The following GNA12 variants were observed in gnomAD, a reference collection of about 807,000 sequenced individuals.
The protein encoded by GNA12 is guanine nucleotide-binding protein subunit alpha-12.
In GNA12, 9 loss-of-function variants were observed where a neutral mutation model predicts 26.0. The ratio of observed to expected loss-of-function variants is 0.35; its 90% CI spans 0.21 to 0.60. The LOEUF (loss-of-function observed/expected upper bound fraction) is 0.60, where lower values mean the gene tolerates loss of function less well. Ranked by LOEUF, GNA12 falls within the 20% of genes least tolerant of loss-of-function variation. GNA12 has a pLI of 0.78. For synonymous variants in GNA12, 264 were observed against 219.6 expected, an observed-to-expected ratio of 1.20 and a Z score of -1.79; for missense variants, 405 against 525.8, an observed-to-expected ratio of 0.77 and a Z score of 2.25.
At chr7:2,737,377 C>G (rs1356701129) in intron 2 of GNA12, among the ~76,000 whole-genome samples, 2 of 145,494 alleles carry the variant, frequency 1.4e-5, no homozygotes, top group African/African-American at 5.1e-5. Flanking sequence ...CAACCTCTGC[C>G]TCCTGGGTTC....
chr7:2,736,555 G>A (rs1488131780), intron 2 of GNA12, among the ~76,000 whole-genome samples: 1 of 152,206 alleles, frequency 6.6e-6, no homozygotes, highest in South Asian at 2.1e-4. Context: ...TCAAGCAGCA[G>A]CAGCAGGTTG....
intron 1 of GNA12, chr7:2,814,845 G>A (rs1416932667): frequency 6.3e-7 from 1 of 1,591,554 alleles, no homozygotes; most frequent in South Asian, 1.1e-5. Context: ...AGCACCGGGT[G>A]TGCACTGCTC....
chr7:2,757,960 C>T (rs986680090), intron 2 of GNA12, among the ~76,000 whole-genome samples: 2 of 152,168 alleles, frequency 1.3e-5, no homozygotes, highest in Admixed American at 1.3e-4. Context: ...ATGATTCTTC[C>T]CTCCCCCTGC....
At chr7:2,805,613 C>T (rs948231335) in intron 1 of GNA12, among the ~76,000 whole-genome samples, 1 of 152,230 alleles carries the variant, frequency 6.6e-6, no homozygotes, top group Non-Finnish European at 1.5e-5. Flanking sequence ...CCTGCTCTCA[C>T]GCAGCTTACA....
intron 1 of GNA12, among the ~76,000 whole-genome samples, chr7:2,829,807 C>A (rs906525813): frequency 4.6e-5 from 7 of 152,320 alleles, no homozygotes; most frequent in African/African-American, 1.7e-4. Flanking sequence ...TGTTCTCAGA[C>A]GTGCTCGAGG....
intron 2 of GNA12, chr7:2,762,957 G>C (rs1376127905): frequency 7.3e-7 from 1 of 1,366,216 alleles, no homozygotes; most frequent in Non-Finnish European, 9.4e-7. Flanking sequence ...GCCCGTGCCA[G>C]GGTCTCCTGC....
chr7:2,785,227 C>T (rs887079124), intron 2 of GNA12, among the ~76,000 whole-genome samples: 7 of 152,152 alleles, frequency 4.6e-5, no homozygotes, highest in Admixed American at 1.3e-4. Flanking sequence ...GTGTCCCACC[C>T]GCTCCAGAGC....
chr7:2,799,880 C>T (rs1792767106), intron 1 of GNA12, among the ~76,000 whole-genome samples: 1 of 152,134 alleles, frequency 6.6e-6, no homozygotes, highest in Non-Finnish European at 1.5e-5. Context: ...AGCGGCAACA[C>T]CAAGCGGAGG....
At chr7:2,774,687 T>C (rs184413678) in intron 2 of GNA12, among the ~76,000 whole-genome samples, 27 of 152,364 alleles carry the variant, frequency 1.8e-4, no homozygotes, top group Admixed American at 1.7e-3. Flanking sequence ...TGAATCTTCA[T>C]TCCTTTTGCA....
intron 2 of GNA12, among the ~76,000 whole-genome samples, chr7:2,735,337 G>A (rs552896762): frequency 2.3e-4 from 35 of 152,302 alleles, no homozygotes; most frequent in Middle Eastern, 3.4e-3. Context: ...GTGGCACCAG[G>A]CACGAAGGAA....
At chr7:2,737,270 T>G (rs1236606580) in intron 2 of GNA12, among the ~76,000 whole-genome samples, 5 of 47,728 alleles carry the variant, frequency 1.0e-4, no homozygotes, top group Admixed American at 2.6e-4. Flanking sequence ...CACAGTTTTG[T>G]TTTGTTTTTT....
At chr7:2,812,848 C>A (rs1047935570) in intron 1 of GNA12, among the ~76,000 whole-genome samples, 1 of 152,142 alleles carries the variant, frequency 6.6e-6, no homozygotes, top group African/African-American at 2.4e-5. Flanking sequence ...GTAAACAAAG[C>A]AGTTATTTGG....
intron 2 of GNA12, among the ~76,000 whole-genome samples, chr7:2,738,666 C>CT (rs1307418030): frequency 6.6e-6 from 1 of 151,878 alleles, no homozygotes; most frequent in Admixed American, 6.6e-5. Flanking sequence ...GTAGCCCTCT[C>CT]TGAGTATGTC....
intron 1 of GNA12, among the ~76,000 whole-genome samples, chr7:2,833,976 CACA>C (rs1439194041): frequency 6.6e-6 from 1 of 152,090 alleles, no homozygotes; most frequent in Non-Finnish European, 1.5e-5. Context: ...TTTGATATTC[CACA>C]ACAAAAGCTG....
chr7:2,814,169 G>C, intron 1 of GNA12: 1 of 626,266 alleles, frequency 1.6e-6, no homozygotes, highest in Non-Finnish European at 2.9e-6. Context: ...GGACTTCTCA[G>C]CTCCCAGAAT....
intron 2 of GNA12, among the ~76,000 whole-genome samples, chr7:2,766,705 T>A (rs1439937335): frequency 6.6e-6 from 1 of 152,156 alleles, no homozygotes; most frequent in East Asian, 1.9e-4. Context: ...CTCTTAGGCA[T>A]TGTGAATAAA....
intron 1 of GNA12, among the ~76,000 whole-genome samples, chr7:2,822,517 G>C (rs1793391263): frequency 6.6e-6 from 1 of 152,222 alleles, no homozygotes; most frequent in South Asian, 2.1e-4. Context: ...GCCAAGGTGG[G>C]AGGGCTGCTT....
chr7:2,796,293 G>A (rs1376913474), intron 1 of GNA12, among the ~76,000 whole-genome samples: 1 of 152,096 alleles, frequency 6.6e-6, no homozygotes, highest in Non-Finnish European at 1.5e-5. Context: ...ATTAATAATA[G>A]CTAATAATAA....
intron 1 of GNA12, chr7:2,836,039 C>A: frequency 7.4e-6 from 2 of 270,236 alleles, no homozygotes; most frequent in Non-Finnish European, 1.5e-5. Context: ...TTTTATAATA[C>A]TTAAAAAAAT....
Sources: gnomAD v4.1 joint callset for allele counts (sites outside exome capture counted in the v4.1 genomes callset) on GRCh38, gnomAD v4.1.1 for gene constraint, MANE v1.5 for transcripts, NCBI Gene and HGNC (gene_info 2026-07-23, HGNC 2026-07-21) for gene names.